TMIGD3: variants seen among roughly 807,000 people sequenced by gnomAD.
The protein encoded by TMIGD3 is AD026 protein (AD026).
A neutral mutation model predicts 28.1 loss-of-function variants in TMIGD3; 21 were observed. That is an observed-to-expected ratio of 0.75 (90% CI 0.53 to 1.08). The LOEUF (loss-of-function observed/expected upper bound fraction) is 1.08, where lower values mean the gene tolerates loss of function less well. Ranked by LOEUF, TMIGD3 falls within the 50% of genes least tolerant of loss-of-function variation. The probability of loss-of-function intolerance (pLI) is 0.00; values close to 1 mark genes in which losing one functional copy is unlikely to be tolerated. For synonymous variants in TMIGD3, 151 were observed against 162.1 expected, an observed-to-expected ratio of 0.93 and a Z score of 0.52; for missense variants, 416 against 435.6, an observed-to-expected ratio of 0.96 and a Z score of 0.40.
chr1:111,507,605 G>C (rs926449364), upstream of TMIGD3, among the ~76,000 whole-genome samples: 7 of 152,208 alleles, frequency 4.6e-5, no homozygotes, highest in African/African-American at 1.7e-4. Context: ...CAGGAGCCCA[G>C]GGAAAAGGCC....
chr1:111,503,691 C>T (rs1655371854), upstream of TMIGD3: 4 of 1,064,514 alleles, frequency 3.8e-6, no homozygotes, highest in East Asian at 6.7e-5. Flanking sequence ...ACGCCTCTGC[C>T]TGCAGCTTTT....
At chr1:111,490,604 T>C in intron 2 of TMIGD3, 52 bp downstream of exon 2, 1 of 1,422,136 alleles carries the variant, frequency 7.0e-7, no homozygotes, top group Non-Finnish European at 9.9e-7. Context: ...GTGCAAAGTC[T>C]CTGGAAAGGC....
chr1:111,489,554 C>A (rs1469819439), intron 2 of TMIGD3: 11 of 1,060,234 alleles, frequency 1.0e-5, no homozygotes, highest in African/African-American at 1.7e-5. Context: ...ACAGCCCTAG[C>A]AAACTAATAA....
chr1:111,559,506 T>C (rs1020184047), intron 1 of TMIGD3, among the ~76,000 whole-genome samples: 4 of 152,194 alleles, frequency 2.6e-5, no homozygotes, highest in Non-Finnish European at 4.4e-5. Context: ...CCCAGCTGTG[T>C]GTCTTTAGGT....
Position 111,503,573 on chromosome 1 carries a change from C to G in TMIGD3, c.-219G>C, listed in dbSNP as rs970070955. On this transcript the variant is annotated 5_prime_UTR_variant, in exon 1 of 6. Coordinates refer to ENST00000369716, the MANE Select transcript of TMIGD3 (RefSeq NM_020683.7). Reference sequence around the variant, plus strand: ...TCATCACAGGTGGGTCACTTCCAGCCCCTTTATGCACCGCACATCCTCAAG... The same window carrying G: ...TCATCACAGGTGGGTCACTTCCAGCGCCTTTATGCACCGCACATCCTCAAG... 10 of 1,382,308 alleles carry G rather than the reference C, an allele frequency of 7.2e-6. No individual in the cohort carries two copies. The highest frequency in any genetic ancestry group is 9.4e-6 in the Non-Finnish European group (10 of 1,067,290). 85.6% of individuals were successfully genotyped at this position (1,382,308 alleles called of 1,614,324 possible). A position where few individuals can be genotyped will look rare whatever the true frequency, so the allele number is the denominator to read the frequency against.
intron 2 of TMIGD3, chr1:111,490,426 A>G (rs1654600010): frequency 1.8e-6 from 1 of 551,844 alleles, no homozygotes; most frequent in Non-Finnish European, 3.2e-6. Flanking sequence ...GTGAGTGCAG[A>G]GTCATCATTT....
chr1:111,541,326 G>T (rs1408454955), intron 1 of TMIGD3, among the ~76,000 whole-genome samples: 1 of 152,182 alleles, frequency 6.6e-6, no homozygotes, highest in East Asian at 1.9e-4. Context: ...CTTCAGAAAA[G>T]AAAATGATGA....
chr1:111,541,985 A>G (rs1656844496), intron 1 of TMIGD3, among the ~76,000 whole-genome samples: 1 of 152,184 alleles, frequency 6.6e-6, no homozygotes, highest in Admixed American at 6.5e-5. Context: ...ATGAATTTTT[A>G]TGAGGTGTGT....
intron 3 of TMIGD3, among the ~76,000 whole-genome samples, chr1:111,487,539 G>A (rs1177498465): frequency 5.9e-5 from 9 of 151,804 alleles, no homozygotes. Flanking sequence ...AAAGGCTAGC[G>A]CCTTCCATAA....
chr1:111,546,539 G>A (rs1462467454), intron 1 of TMIGD3, among the ~76,000 whole-genome samples: 1 of 152,106 alleles, frequency 6.6e-6, no homozygotes, highest in Non-Finnish European at 1.5e-5. Context: ...TTTTGTGACT[G>A]CCTTATTTCA....
At chr1:111,511,629 C>A (rs921371981) in intron 1 of TMIGD3, among the ~76,000 whole-genome samples, 2 of 151,776 alleles carry the variant, frequency 1.3e-5, no homozygotes, top group South Asian at 2.1e-4. Flanking sequence ...CTATAACAAC[C>A]ATTTCATTCC....
chr1:111,512,058 G>A (rs954323165), intron 1 of TMIGD3, among the ~76,000 whole-genome samples: 11 of 152,172 alleles, frequency 7.2e-5, no homozygotes, highest in East Asian at 1.9e-4. Flanking sequence ...TCACTGGCTC[G>A]TTTGTCACTC....
At chr1:111,531,639 T>G (rs1436665816) in intron 1 of TMIGD3, among the ~76,000 whole-genome samples, 1 of 152,348 alleles carries the variant, frequency 6.6e-6, no homozygotes, top group East Asian at 1.9e-4. Context: ...GATGATTTTC[T>G]GATTGGATGG....
chr1:111,521,102 G>C (rs1315789095), intron 1 of TMIGD3, among the ~76,000 whole-genome samples: 1 of 141,324 alleles, frequency 7.1e-6, no homozygotes, highest in Non-Finnish European at 1.5e-5. Context: ...TCATCCATTT[G>C]TTGTGTGCAT....
rs1487495969 is a variant in TMIGD3, at chr1:111,483,505, G to A, written c.*182C>T. 2 of 613,406 alleles carry A rather than the reference G, an allele frequency of 3.3e-6. No individual in the cohort carries two copies. 38.0% of individuals were successfully genotyped at this position (613,406 alleles called of 1,614,324 possible). A position where few individuals can be genotyped will look rare whatever the true frequency, so the allele number is the denominator to read the frequency against. ...TTTGAGGGCAGCCTTGCTTGGGTGT[G>A]GTCTATCATAGCTCCTCTGACTACC... On this transcript the variant is annotated 3_prime_UTR_variant, in exon 6 of 6. Transcript: ENST00000369716.
chr1:111,487,924 C>T (rs1654462561), intron 3 of TMIGD3, among the ~76,000 whole-genome samples: 2 of 151,740 alleles, frequency 1.3e-5, no homozygotes, highest in Admixed American at 1.3e-4. Context: ...CCCTTCTCAG[C>T]CTCCTGAGTA....
intron 1 of TMIGD3, among the ~76,000 whole-genome samples, chr1:111,548,232 A>C (rs1346162447): frequency 1.3e-5 from 2 of 152,076 alleles, no homozygotes; most frequent in African/African-American, 4.8e-5. Flanking sequence ...TGTTGCCCAG[A>C]CTGGTCTCAA....
chr1:111,520,247 T>A (rs1047268124), intron 1 of TMIGD3, among the ~76,000 whole-genome samples: 7 of 152,240 alleles, frequency 4.6e-5, no homozygotes, highest in African/African-American at 1.7e-4. Flanking sequence ...GCTACCCATG[T>A]TAGTGAAGTC....
At chr1:111,513,769 G>A (rs974913268) in intron 1 of TMIGD3, among the ~76,000 whole-genome samples, 2 of 152,180 alleles carry the variant, frequency 1.3e-5, no homozygotes, top group Non-Finnish European at 2.9e-5. Context: ...CATGACTAGG[G>A]CTTTTTGTGT....
Sources: allele counts gnomAD v4.1 joint callset (sites outside exome capture counted in the v4.1 genomes callset), GRCh38; gene constraint gnomAD v4.1.1; transcripts MANE v1.5; gene names NCBI Gene and HGNC (gene_info 2026-07-23, HGNC 2026-07-21).